The following FOLH1 variants were observed in gnomAD, a reference collection of about 807,000 sequenced individuals.
The protein encoded by FOLH1 is folate hydrolase 1.
A neutral mutation model predicts 93.9 loss-of-function variants in FOLH1; 54 were observed. That is an observed-to-expected ratio of 0.57 (90% confidence interval 0.46 to 0.72). FOLH1 has a LOEUF of 0.72. Ranked by LOEUF, FOLH1 falls within the 30% of genes least tolerant of loss-of-function variation. The probability of loss-of-function intolerance (pLI) is 0.00; values close to 1 mark genes in which losing one functional copy is unlikely to be tolerated. For synonymous variants in FOLH1, 249 were observed against 303.6 expected (o/e 0.82, Z 1.87); for missense variants, 571 against 892.5 (o/e 0.64, Z 4.59).
chr11:49,207,061 C>G (rs202675), intron 1 of FOLH1, among the ~76,000 whole-genome samples: 55,418 of 151,886 alleles, frequency 0.36, 11,327 homozygotes, highest in African/African-American at 0.56. Flanking sequence ...TACATGATTG[C>G]ACGCAAACGG....
intron 12 of FOLH1, among the ~76,000 whole-genome samples, chr11:49,165,986 T>C (rs1209437369): frequency 6.6e-6 from 1 of 152,190 alleles, no homozygotes; most frequent in Non-Finnish European, 1.5e-5. Flanking sequence ...CTTGTAGCTC[T>C]CTACCCTCTC....
At chr11:49,148,027 ACCCTTTGATAAT>A (rs922165314) in intron 18 of FOLH1, among the ~76,000 whole-genome samples, 1 of 151,900 alleles carries the variant, frequency 6.6e-6, no homozygotes, top group Non-Finnish European at 1.5e-5. Flanking sequence ...CCCAAGCCCG[ACCCTTTGATAAT>A]CCCTAGAAAG....
chr11:49,204,332 T>G (rs1312310131), intron 2 of FOLH1, among the ~76,000 whole-genome samples: 3 of 152,204 alleles, frequency 2.0e-5, no homozygotes, highest in Non-Finnish European at 2.9e-5. Flanking sequence ...CTTGCCTTGG[T>G]CTCTTTTTCT....
intron 15 of FOLH1, 64 bp downstream of exon 15, chr11:49,156,653 C>A (rs1857068955): frequency 1.3e-6 from 2 of 1,599,312 alleles, no homozygotes; most frequent in South Asian, 1.1e-5. Flanking sequence ...TTTTTGGAGT[C>A]AGAATTATTT....
intron 1 of FOLH1, among the ~76,000 whole-genome samples, chr11:49,207,463 C>T (rs1177912534): frequency 1.3e-5 from 2 of 152,154 alleles, no homozygotes; most frequent in Non-Finnish European, 2.9e-5. Context: ...TTCTAAATCC[C>T]GAAAGAGGGT....
chr11:49,181,913 T>C (rs1201382481), intron 7 of FOLH1, among the ~76,000 whole-genome samples: 5 of 152,238 alleles, frequency 3.3e-5, no homozygotes, highest in Middle Eastern at 3.4e-3. Context: ...TGCTTCCTCA[T>C]AGATACTGGA....
chr11:49,208,146 G>T, intron 1 of FOLH1, 146 bp downstream of exon 1: 1 of 638,912 alleles, frequency 1.6e-6, no homozygotes, highest in Non-Finnish European at 2.8e-6. Context: ...AACTCGAGGG[G>T]TGCTCACCCC....
intron 13 of FOLH1, among the ~76,000 whole-genome samples, chr11:49,160,686 C>A (rs1239997545): frequency 6.6e-6 from 1 of 152,176 alleles, no homozygotes; most frequent in Non-Finnish European, 1.5e-5. Context: ...TTGTGATCTG[C>A]CCTCCTCGGC....
intron 6 of FOLH1, among the ~76,000 whole-genome samples, chr11:49,185,022 GGTT>G (rs1384230082): frequency 2.0e-5 from 3 of 151,914 alleles, no homozygotes; most frequent in Admixed American, 6.6e-5. Context: ...CTAGCTTTAG[GGTT>G]GTTAATGCAA....
In FOLH1 at chr11:49,173,373, T is replaced by C. The variant is rs1859607939; in HGVS notation, c.1209A>G (p.Gly403=). The change falls in exon 10 of 19, where the codon GGA becomes GGG. Residue 403 remains glycine (G), a synonymous_variant. Coordinates refer to ENST00000256999, the MANE Select transcript of FOLH1 (RefSeq NM_004476.3). The part of the protein sequence containing the change: ...AVVHEIVRSF[G]TLKKEGWRPR... ...TTGTATTACCTTCCTTTTTCAGTGT[T>C]CCAAAGCTCCTCACAATTTCATGAA... 6.2e-7 allele frequency: 1 copy of C among 1,611,356 alleles called. No homozygotes were observed. The highest frequency in any genetic ancestry group is 1.7e-5 in the Admixed American group (1 of 59,918).
chr11:49,154,117 T>G (rs1052108857), intron 16 of FOLH1, 111 bp downstream of exon 16: 19 of 1,474,784 alleles, frequency 1.3e-5, no homozygotes, highest in Admixed American at 2.2e-5. Flanking sequence ...AACAGAATAT[T>G]GGATCACTTG....
chr11:49,204,406 A>G (rs1368849251), intron 2 of FOLH1, among the ~76,000 whole-genome samples: 1 of 152,192 alleles, frequency 6.6e-6, no homozygotes, highest in Non-Finnish European at 1.5e-5. Context: ...TGCTGACCTT[A>G]TGGATAGGCT....
chr11:49,196,912 T>C (rs1032285786), intron 3 of FOLH1, among the ~76,000 whole-genome samples: 4 of 152,158 alleles, frequency 2.6e-5, no homozygotes, highest in African/African-American at 7.2e-5. Context: ...TGGGAGGGAT[T>C]TGGAGATGAG....
At chr11:49,194,026 C>T (rs1021880598) in intron 3 of FOLH1, among the ~76,000 whole-genome samples, 6 of 149,002 alleles carry the variant, frequency 4.0e-5, no homozygotes, top group African/African-American at 1.5e-4. Context: ...GGCCTACGTG[C>T]TTGTAATCCC....
intron 14 of FOLH1, among the ~76,000 whole-genome samples, chr11:49,157,427 A>G (rs1454866649): frequency 6.6e-6 from 1 of 152,100 alleles, no homozygotes; most frequent in African/African-American, 2.4e-5. Flanking sequence ...AATCTGTATC[A>G]AAACATTTCA....
At chr11:49,197,307 T>C (rs7937819) in intron 3 of FOLH1, among the ~76,000 whole-genome samples, 11,670 of 152,214 alleles carry the variant, frequency 0.077, 640 homozygotes, top group South Asian at 0.24. Flanking sequence ...GTAAGAAAAG[T>C]TTTTAATGTC....
chr11:49,169,399 A>G (rs1383559851), intron 11 of FOLH1, 141 bp from the exon 12 acceptor site: 4 of 655,062 alleles, frequency 6.1e-6, no homozygotes, highest in South Asian at 2.5e-5. Flanking sequence ...AGAAATTCTC[A>G]TAAAAGAGCT....
chr11:49,179,626 T>C (rs113322753), intron 7 of FOLH1, among the ~76,000 whole-genome samples: 1,962 of 152,274 alleles, frequency 0.013, 45 homozygotes, highest in African/African-American at 0.045. Flanking sequence ...GGAAAATACA[T>C]AGCTGTAAAC....
intron 17 of FOLH1, 34 bp from the exon 18 acceptor site, chr11:49,148,765 T>G: frequency 6.7e-7 from 1 of 1,494,734 alleles, no homozygotes; most frequent in African/African-American, 1.4e-5. Context: ...TATAACTTCA[T>G]GAAAATATGT....
Sources: allele counts gnomAD v4.1 joint callset (sites outside exome capture counted in the v4.1 genomes callset), GRCh38; gene constraint gnomAD v4.1.1; transcripts MANE v1.5; gene names NCBI Gene and HGNC (gene_info 2026-07-23, HGNC 2026-07-21).